FAM149A: variants seen among roughly 807,000 people sequenced by gnomAD.
FAM149A encodes the protein family with sequence similarity 149 member A.
In FAM149A, 71 loss-of-function variants were observed where a neutral mutation model predicts 78.2. The ratio of observed to expected loss-of-function variants is 0.91; its 90% CI spans 0.75 to 1.11. FAM149A has a LOEUF of 1.11. Ranked by LOEUF, FAM149A falls within the 50% of genes least tolerant of loss-of-function variation. The probability of loss-of-function intolerance (pLI) is 0.00; values close to 1 mark genes in which losing one functional copy is unlikely to be tolerated. For synonymous variants in FAM149A, 446 were observed against 410.5 expected (o/e 1.09, Z -1.04); for missense variants, 1,036 against 971.0 (o/e 1.07, Z -0.89).
Position 186,157,627 on chromosome 4 carries a change from C to G in FAM149A, c.1483C>G (p.Pro495Ala), listed in dbSNP as rs138740503. 6.2e-7 allele frequency: 1 copy of G among 1,613,964 alleles called. No homozygotes were observed. The highest frequency in any genetic ancestry group is 1.3e-5 in the African/African-American group (1 of 74,942). The change falls in exon 8 of 14, where the codon CCA (proline) becomes GCA (alanine). Residue 495 changes from proline to alanine, a missense_variant. This residue lies in a region of FAM149A where 716 missense variants were observed against 711.8 expected (regional missense o/e 1.01). Coordinates refer to ENST00000389354, the MANE Select transcript of FAM149A (RefSeq NM_001367768.3). ...AAACAGATTTCCGCACGTCCTCGTTCCACACGCTCACGCCGATGGAGCCAG... is the reference window on the plus strand; with the variant it reads ...AAACAGATTTCCGCACGTCCTCGTTGCACACGCTCACGCCGATGGAGCCAG...
chr4:186,161,770 G>A (rs114710499), intron 8 of FAM149A, among the ~76,000 whole-genome samples: 1 of 152,222 alleles, frequency 6.6e-6, no homozygotes, highest in Non-Finnish European at 1.5e-5. Context: ...TACTCAAGGT[G>A]TTCTAGTTCT....
Position 186,162,933 on chromosome 4 carries a change from T to C in FAM149A, c.1664T>C (p.Phe555Ser). The change falls in exon 9 of 14, where the codon TTT becomes TCT. Residue 555 changes from phenylalanine (F) to serine (S), a missense_variant. Transcript: ENST00000389354. ...CCGCTTCAGCGGAGACCTGCCTATT[T>C]TGCTGACAGAACGCAGTACGTATCA... 6.2e-7 allele frequency: 1 copy of C among 1,606,602 alleles called. No individual in the cohort carries two copies. The highest frequency in any genetic ancestry group is 8.5e-7 in the Non-Finnish European group (1 of 1,173,348).
intron 1 of FAM149A, among the ~76,000 whole-genome samples, chr4:186,116,098 G>C (rs1258193393): frequency 4.9e-5 from 1 of 20,328 alleles, no homozygotes; most frequent in African/African-American, 1.3e-4. Flanking sequence ...ATCTCCTGGC[G>C]CGCCGTTTTT....
intron 8 of FAM149A, chr4:186,158,548 A>T: frequency 1.9e-6 from 2 of 1,080,034 alleles, no homozygotes; most frequent in Non-Finnish European, 2.3e-6. Flanking sequence ...AGCTGTGGCC[A>T]AGGGGGAGTT....
chr4:186,162,834 ACTG>A lies in FAM149A; in HGVS notation c.1576-10_1576-8del. 2 of 443,348 alleles carry A rather than the reference ACTG, an allele frequency of 4.5e-6. No individual in the cohort carries two copies. The highest frequency in any genetic ancestry group is 6.8e-6 in the Non-Finnish European group (2 of 294,984). 27.5% of individuals were successfully genotyped at this position (443,348 alleles called of 1,614,324 possible). ...TCTTTTTTTTTTTTTTTTTTTTTTT[ACTG>A]TTCTCAGATTCATCACTTCTCCAGC... On this transcript the variant is annotated splice_polypyrimidine_tract_variant and splice_region_variant and intron_variant, in intron 8 of 13. Transcript: ENST00000389354.
chr4:186,137,668 A>C (rs1367654130), intron 1 of FAM149A, among the ~76,000 whole-genome samples: 1 of 152,092 alleles, frequency 6.6e-6, no homozygotes, highest in African/African-American at 2.4e-5. Flanking sequence ...CCACCATTTC[A>C]ATATTACATG....
Position 186,154,606 on chromosome 4 carries a change from T to A in FAM149A, c.1197T>A (p.Ile399=). The change falls in exon 6 of 14, where the codon ATT becomes ATA. Residue 399 remains isoleucine (I), a synonymous_variant. Transcript: ENST00000389354. ...AGGTTTACCATGTGGATGGAAAGAT[T>A]GAGGAGTATTTCGCTTTTGACAGAA... 5.6e-6 allele frequency: 9 copies of A among 1,614,134 alleles called. No individual in the cohort carries two copies. The highest frequency in any genetic ancestry group is 7.6e-6 in the Non-Finnish European group (9 of 1,180,000).
chr4:186,136,985 TCTCTCTCTCTCTCTC>T (rs2099323402), intron 1 of FAM149A, among the ~76,000 whole-genome samples: 32 of 126,266 alleles, frequency 2.5e-4, no homozygotes, highest in African/African-American at 8.6e-4. Flanking sequence ...TTTCTCTCTC[TCTCTCTCTCTCTCTC>T]TCTCTCTCTC....
intron 1 of FAM149A, among the ~76,000 whole-genome samples, chr4:186,135,775 A>G (rs1275474346): frequency 1.3e-5 from 2 of 152,216 alleles, no homozygotes; most frequent in African/African-American, 4.8e-5. Context: ...CACAACAAGC[A>G]CAACAATTTG....
intron 1 of FAM149A, chr4:186,116,483 C>G: frequency 3.0e-6 from 3 of 984,948 alleles, no homozygotes; most frequent in Non-Finnish European, 3.6e-6. Context: ...ATAATGAATT[C>G]AACTTGGTTT....
intron 11 of FAM149A, 93 bp downstream of exon 11, chr4:186,165,557 T>A: frequency 7.7e-7 from 1 of 1,298,002 alleles, no homozygotes; most frequent in Non-Finnish European, 1.1e-6. Context: ...GTGAAATTAG[T>A]AACATGAGAT....
intron 1 of FAM149A, chr4:186,145,138 C>T (rs1732925206): frequency 3.0e-6 from 3 of 985,598 alleles, no homozygotes; most frequent in Non-Finnish European, 2.4e-6. Flanking sequence ...CAGCAGGGCT[C>T]GCCTTCTGGC....
At chr4:186,168,802 G>T (rs773406622) in intron 13 of FAM149A, among the ~76,000 whole-genome samples, 36 of 152,320 alleles carry the variant, frequency 2.4e-4, no homozygotes, top group African/African-American at 8.4e-4. Flanking sequence ...GGGTGTTTCC[G>T]TCTGTGCCTC....
chr4:186,166,871 C>A, intron 11 of FAM149A, 97 bp from the exon 12 acceptor site: 1 of 1,235,950 alleles, frequency 8.1e-7, no homozygotes, highest in South Asian at 1.4e-5. Flanking sequence ...TAAAAGTTTC[C>A]AAATAGATGA....
At position 186,164,969 on chromosome 4, in the gene FAM149A, G is replaced by A. The variant is rs1331093822; in HGVS notation, c.1890-375G>A. Among the ~76,000 whole-genome samples, 1 of 152,088 alleles carries A rather than the reference G, an allele frequency of 6.6e-6. No individual in the cohort carries two copies. The highest frequency in any genetic ancestry group is 2.4e-5 in the African/African-American group (1 of 41,394). On this transcript the variant is annotated intron_variant, in intron 10 of 13. Transcript: ENST00000389354. This position sits in a 1 kb window ranked among gnomAD's most constrained non-coding sequence, Gnocchi z 4.0. ...ATAGCTGTGCTCTACACATACGAGG[G>A]AAGCTGTGGCTTCAGAGGGGCCAGT...
intron 1 of FAM149A, among the ~76,000 whole-genome samples, chr4:186,136,964 T>TTCTCTTTCTCTCTCTCTC (rs2099323216): frequency 8.2e-5 from 8 of 97,110 alleles, no homozygotes; most frequent in Admixed American, 2.2e-4. Context: ...CTCTCTCTCT[T>TTCTCTTTCTCTCTCTCTC]TCTCTCTCTC....
chr4:186,143,149 CTTTTTTTTT>C (rs141403092), intron 1 of FAM149A, among the ~76,000 whole-genome samples: 136 of 85,024 alleles, frequency 1.6e-3, no homozygotes, highest in African/African-American at 1.9e-3. Context: ...TCGATTTTTA[CTTTTTTTTT>C]TTTTTTTTTT....
intron 11 of FAM149A, among the ~76,000 whole-genome samples, chr4:186,166,519 C>T (rs1579933409): frequency 1.3e-5 from 2 of 152,034 alleles, no homozygotes; most frequent in African/African-American, 4.8e-5. Flanking sequence ...GATGTGGTGG[C>T]ACGTGCCTGT....
intron 3 of FAM149A, among the ~76,000 whole-genome samples, chr4:186,149,967 G>A (rs1328740827): frequency 1.3e-5 from 2 of 152,142 alleles, no homozygotes; most frequent in African/African-American, 4.8e-5. Flanking sequence ...CCGGCTCTCC[G>A]GGTGTGTGCT....
Sources: allele counts gnomAD v4.1 joint callset (sites outside exome capture counted in the v4.1 genomes callset), GRCh38; gene constraint gnomAD v4.1.1; regional missense constraint gnomAD v4.1.1; non-coding constraint Gnocchi (gnomAD v3.1); transcripts MANE v1.5; gene names NCBI Gene and HGNC (gene_info 2026-07-23, HGNC 2026-07-21).